The following WDR64 variants were observed in gnomAD, a reference collection of about 807,000 sequenced individuals.
WDR64 encodes the protein WD repeat-containing protein 64.
A neutral mutation model predicts 139.3 loss-of-function variants in WDR64; 112 were observed. The observed-to-expected ratio is 0.80, with a 90% CI of 0.69 to 0.94. The LOEUF (loss-of-function observed/expected upper bound fraction) is 0.94. Among genes scored for constraint, WDR64 ranks in the 40% least tolerant of loss-of-function variants. The pLI, the probability that WDR64 is intolerant of heterozygous loss-of-function variation, is 0.00. For synonymous variants in WDR64, 444 were observed against 437.7 expected, an observed-to-expected ratio of 1.01 and a Z score of -0.18; for missense variants, 1,206 against 1,293.1, an observed-to-expected ratio of 0.93 and a Z score of 1.03.
chr1:241,801,040 C>A, intron 27 of WDR64, 92 bp from the exon 28 acceptor site: 2 of 936,484 alleles, frequency 2.1e-6, no homozygotes, highest in Non-Finnish European at 3.3e-6. Context: ...GGATTAAAAT[C>A]TCTATGTAAA....
intron 9 of WDR64, 109 bp downstream of exon 9, chr1:241,711,990 A>T (rs1306349462): frequency 2.9e-6 from 3 of 1,035,540 alleles, no homozygotes; most frequent in Non-Finnish European, 4.3e-6. Context: ...ATTTGTATCA[A>T]GTCAAATCTG....
intron 11 of WDR64, 133 bp downstream of exon 11, chr1:241,738,622 G>A (rs1292391712): frequency 1.3e-5 from 12 of 952,332 alleles, no homozygotes; most frequent in African/African-American, 1.7e-5. Flanking sequence ...ATTCGTGACA[G>A]TAGATATTTA....
At chr1:241,715,671 A>C (rs1030622833) in intron 9 of WDR64, among the ~76,000 whole-genome samples, 3 of 152,372 alleles carry the variant, frequency 2.0e-5, no homozygotes, top group Admixed American at 2.0e-4. Flanking sequence ...ATTTGATTCT[A>C]AAATCTGATT....
At chr1:241,795,766 T>C (rs1659344909) in intron 26 of WDR64, among the ~76,000 whole-genome samples, 1 of 152,102 alleles carries the variant, frequency 6.6e-6, no homozygotes, top group Non-Finnish European at 1.5e-5. Flanking sequence ...CCTTCAAGTC[T>C]CCACCCCAGG....
intron 27 of WDR64, among the ~76,000 whole-genome samples, chr1:241,796,966 TAGG>T (rs1659386007): frequency 6.6e-6 from 1 of 152,214 alleles, no homozygotes; most frequent in East Asian, 1.9e-4. Context: ...TTTTAGAAAC[TAGG>T]AGATTTGACA....
intron 8 of WDR64, among the ~76,000 whole-genome samples, chr1:241,707,308 T>C (rs1487200079): frequency 2.6e-5 from 4 of 152,214 alleles, no homozygotes; most frequent in Non-Finnish European, 5.9e-5. Flanking sequence ...TTCATAGGCT[T>C]TGCTGCCCCT....
At chr1:241,749,765 T>C in intron 14 of WDR64, 43 bp downstream of exon 14, 1 of 1,599,268 alleles carries the variant, frequency 6.3e-7, no homozygotes, top group Non-Finnish European at 8.5e-7. Flanking sequence ...GTGCCCTTTT[T>C]GGGAAAATCA....
chr1:241,667,558 A>G (rs1300149193), intron 2 of WDR64, among the ~76,000 whole-genome samples: 1 of 152,174 alleles, frequency 6.6e-6, no homozygotes, highest in East Asian at 1.9e-4. Flanking sequence ...ACAGAAGAGG[A>G]AGAAAGAAGA....
chr1:241,756,735 T>C (rs1165748809), intron 14 of WDR64, among the ~76,000 whole-genome samples: 1 of 152,176 alleles, frequency 6.6e-6, no homozygotes, highest in Non-Finnish European at 1.5e-5. Flanking sequence ...TATCTTATAG[T>C]TAGGTCATTT....
intron 21 of WDR64, among the ~76,000 whole-genome samples, chr1:241,776,898 TGATCCAGAAAATAGAGTGGGTTTGG>T (rs1311259641): frequency 3.1e-4 from 47 of 152,212 alleles, no homozygotes; most frequent in Non-Finnish European, 3.5e-4. Flanking sequence ...TTTCTGTTTG[TGATCCAGAAAATAGAGTGGGTTTGG>T]GATCCAATCT....
At chr1:241,735,331 C>A (rs79388668) in intron 10 of WDR64, among the ~76,000 whole-genome samples, 16,569 of 109,876 alleles carry the variant, frequency 0.15, 1,110 homozygotes, top group East Asian at 0.31. Context: ...AGTTTCTACA[C>A]TTTGTGTCTT....
chr1:241,788,026 C>T lies in WDR64; in HGVS notation c.2883C>T (p.Asp961=). 7.6e-6 allele frequency: 12 copies of T among 1,588,648 alleles called. No homozygotes were observed. Among genetic ancestry groups the T allele is most frequent in the South Asian group, 1.2e-5 (1 of 85,694 alleles). The change falls in exon 24 of 28, where the codon GAC becomes GAT. Residue 961 remains aspartate (D), a synonymous_variant. Coordinates refer to ENST00000437684, the MANE Select transcript of WDR64 (RefSeq NM_001367482.1). ...AATATGAATATCCTCTGATATTTGACCGGGAAAAGTAAGACCATTAGCTCT... is the reference window on the plus strand; with the variant it reads ...AATATGAATATCCTCTGATATTTGATCGGGAAAAGTAAGACCATTAGCTCT... ...KQKYEYPLIF[D]REKWRKMSSV...
At position 241,674,715 on chromosome 1, in the gene WDR64, C is replaced by A. The variant is rs780449699; in HGVS notation, c.451C>A (p.Gln151Lys). ...CCTGGATTTACTAATAACAGCTACT[C>A]AGAAAGGATTAATAACAGTTTTTAA... Reference protein sequence around the residue: ...PHLDLLITATQKGLITVFNNQ... With the variant: ...PHLDLLITATKKGLITVFNNQ... The change falls in exon 4 of 28, where the codon CAG becomes AAG. Residue 151 changes from glutamine to lysine, a missense_variant. Transcript: ENST00000437684. The A allele has an allele frequency of 5.2e-6, 8 of 1,549,244 alleles. No individual in the cohort carries two copies. In the South Asian group the frequency reaches 9.5e-5, roughly 18 times the overall value.
intron 21 of WDR64, 41 bp from the exon 22 acceptor site, chr1:241,779,963 T>C: frequency 6.8e-7 from 1 of 1,476,554 alleles, no homozygotes; most frequent in Non-Finnish European, 9.3e-7. Flanking sequence ...TTAGATAACA[T>C]GATATCTAAT....
At chr1:241,757,981 T>C (rs1398727999) in intron 15 of WDR64, among the ~76,000 whole-genome samples, 3 of 152,190 alleles carry the variant, frequency 2.0e-5, no homozygotes, top group Non-Finnish European at 4.4e-5. Flanking sequence ...ATCCTTATAA[T>C]TTCTTTCTTA....
chr1:241,766,594 G>T (rs1021038913), intron 16 of WDR64, among the ~76,000 whole-genome samples: 2 of 152,116 alleles, frequency 1.3e-5, no homozygotes, highest in Admixed American at 6.5e-5. Flanking sequence ...CTATCTAATG[G>T]AGAGGGTGAG....
chr1:241,754,230 G>C, intron 14 of WDR64, among the ~76,000 whole-genome samples: 1 of 150,562 alleles, frequency 6.6e-6, no homozygotes, highest in Non-Finnish European at 1.5e-5. Context: ...GTGGTAAATA[G>C]TTTTCATATT....
chr1:241,784,631 G>A (rs1658964605), intron 23 of WDR64, among the ~76,000 whole-genome samples: 1 of 152,154 alleles, frequency 6.6e-6, no homozygotes, highest in South Asian at 2.1e-4. Context: ...CCTATTTGGA[G>A]GCAAAAGGTC....
intron 9 of WDR64, among the ~76,000 whole-genome samples, chr1:241,713,736 T>A (rs913502615): frequency 6.6e-6 from 1 of 152,282 alleles, no homozygotes; most frequent in African/African-American, 2.4e-5. Context: ...GTTAGGAGAC[T>A]GTTAGAGAAG....
Sources: gnomAD v4.1 joint callset for allele counts (sites outside exome capture counted in the v4.1 genomes callset) on GRCh38, gnomAD v4.1.1 for gene constraint, MANE v1.5 for transcripts, NCBI Gene and HGNC (gene_info 2026-07-23, HGNC 2026-07-21) for gene names.